The following ARL15 variants were observed in gnomAD, a reference collection of about 807,000 sequenced individuals.
ARL15 encodes ARF like GTPase 15, also known as ADP-ribosylation factor-like protein 15.
A neutral mutation model predicts 25.2 loss-of-function variants in ARL15; 19 were observed. That is an observed-to-expected ratio of 0.75 (90% CI 0.53 to 1.10). ARL15 has a LOEUF of 1.10. ARL15 is among the 50% of genes least tolerant of loss of function. The probability of loss-of-function intolerance (pLI) is 0.00; values close to 1 mark genes in which losing one functional copy is unlikely to be tolerated. For missense variants in ARL15, 220 were observed against 246.0 expected (o/e 0.89, Z 0.71); for synonymous variants, 94 against 86.8 (o/e 1.08, Z -0.46).
intron 1 of ARL15, among the ~76,000 whole-genome samples, chr5:54,215,889 C>T (rs1199778111): frequency 6.6e-6 from 1 of 152,120 alleles, no homozygotes; most frequent in African/African-American, 2.4e-5. Context: ...TGAGCTGGCA[C>T]AAATTTTCAA....
chr5:54,299,671 T>G (rs527830493), intron 1 of ARL15, among the ~76,000 whole-genome samples: 1 of 126,656 alleles, frequency 7.9e-6, no homozygotes, highest in South Asian at 2.8e-4. Context: ...CTCACTGCAA[T>G]CTCCACCTCC....
At chr5:54,125,070 G>GTTTTTTTTT (rs1753203668) in intron 3 of ARL15, among the ~76,000 whole-genome samples, 1 of 135,948 alleles carries the variant, frequency 7.4e-6, no homozygotes, top group African/African-American at 2.9e-5. Context: ...CAAGTTTTTT[G>GTTTTTTTTT]TTTTGTTTTG....
chr5:54,021,168 T>C (rs1413030782), intron 4 of ARL15, among the ~76,000 whole-genome samples: 1 of 151,926 alleles, frequency 6.6e-6, no homozygotes, highest in Non-Finnish European at 1.5e-5. Flanking sequence ...AAACCCTGTC[T>C]CTACTAAAAA....
chr5:54,002,902 T>A (rs1382922511), intron 4 of ARL15, among the ~76,000 whole-genome samples: 1 of 152,198 alleles, frequency 6.6e-6, no homozygotes, highest in Non-Finnish European at 1.5e-5. Flanking sequence ...TATTGACCAG[T>A]CAAATTCTGC....
intron 1 of ARL15, among the ~76,000 whole-genome samples, chr5:54,222,551 G>A (rs188563287): frequency 1.8e-4 from 27 of 152,298 alleles, no homozygotes; most frequent in African/African-American, 5.3e-4. Context: ...AGCTATGCTC[G>A]TCATACAAGC....
At chr5:54,093,305 G>C (rs913553264) in intron 4 of ARL15, among the ~76,000 whole-genome samples, 1 of 152,142 alleles carries the variant, frequency 6.6e-6, no homozygotes, top group African/African-American at 2.4e-5. Context: ...CAAATGCCTA[G>C]GCCAGGGTGT....
At chr5:53,914,166 C>CA (rs3055335) in intron 4 of ARL15, among the ~76,000 whole-genome samples, 1 of 151,510 alleles carries the variant, frequency 6.6e-6, no homozygotes, top group African/African-American at 2.4e-5. Flanking sequence ...CACACACACA[C>CA]TTTATAGTTC....
intron 4 of ARL15, among the ~76,000 whole-genome samples, chr5:53,898,177 A>G (rs991533930): frequency 2.6e-5 from 4 of 152,230 alleles, no homozygotes; most frequent in Admixed American, 6.5e-5. Context: ...AAATCTGCAT[A>G]TAAGTGGACC....
intron 1 of ARL15, among the ~76,000 whole-genome samples, chr5:54,223,073 C>T (rs895178640): frequency 2.0e-5 from 3 of 150,486 alleles, no homozygotes; most frequent in East Asian, 2.0e-4. Flanking sequence ...CCGCCAGCCT[C>T]GGCAAGGAGA....
intron 1 of ARL15, among the ~76,000 whole-genome samples, chr5:54,281,946 A>G (rs1050016855): frequency 6.6e-6 from 1 of 152,204 alleles, no homozygotes; most frequent in African/African-American, 2.4e-5. Context: ...TTAAAACTCC[A>G]TAATTGTTTA....
intron 4 of ARL15, among the ~76,000 whole-genome samples, chr5:54,084,183 T>G (rs1443963402): frequency 6.6e-6 from 1 of 152,168 alleles, no homozygotes; most frequent in Non-Finnish European, 1.5e-5. Flanking sequence ...ACAATTAGCC[T>G]TAGCCAGTGG....
chr5:53,973,574 CAAAAAAA>C (rs34108460), intron 4 of ARL15, among the ~76,000 whole-genome samples: 1 of 87,124 alleles, frequency 1.1e-5, no homozygotes. Flanking sequence ...AACTTCATCT[CAAAAAAA>C]AAAAAAAAAA....
intron 1 of ARL15, 45 bp downstream of exon 1, chr5:54,310,387 C>A: frequency 6.3e-7 from 1 of 1,588,710 alleles, no homozygotes. Flanking sequence ...CCATCGGGCA[C>A]GCCGAGATCC....
Position 53,886,668 on chromosome 5 carries a change from A to G in ARL15, c.508T>C (p.Trp170Arg). The change falls in exon 5 of 5, where the codon TGG becomes CGG. Residue 170 changes from tryptophan to arginine, a missense_variant. Transcript: ENST00000504924. ...ELEPLARGKRWILQPCSLDDM... is the reference protein window; with the variant it reads ...ELEPLARGKRRILQPCSLDDM... Reference sequence around the variant, plus strand: ...TCCAGTGAGCAGGGCTGTAGAATCCAGCGTTTTCCACGTGCAAGTGGTTCA... The same window carrying G: ...TCCAGTGAGCAGGGCTGTAGAATCCGGCGTTTTCCACGTGCAAGTGGTTCA... 6.3e-7 allele frequency: 1 copy of G among 1,575,908 alleles called. No individual in the cohort carries two copies. The highest frequency in any genetic ancestry group is 2.3e-5 in the East Asian group (1 of 43,336).
At chr5:54,141,876 C>T (rs1753792340) in intron 3 of ARL15, among the ~76,000 whole-genome samples, 1 of 152,110 alleles carries the variant, frequency 6.6e-6, no homozygotes, top group Admixed American at 6.5e-5. Flanking sequence ...TGAGATTCAT[C>T]CATGTTGTTG....
At chr5:53,921,835 A>T (rs958591191) in intron 4 of ARL15, among the ~76,000 whole-genome samples, 1 of 152,202 alleles carries the variant, frequency 6.6e-6, no homozygotes, top group African/African-American at 2.4e-5. Flanking sequence ...GGCTGGGGTT[A>T]CCAGGAATGA....
chr5:53,985,578 T>G (rs1201337668), intron 4 of ARL15, among the ~76,000 whole-genome samples: 2 of 152,242 alleles, frequency 1.3e-5, no homozygotes, highest in Non-Finnish European at 2.9e-5. Context: ...TTTTAATGAC[T>G]GCCTTATTTC....
intron 4 of ARL15, among the ~76,000 whole-genome samples, chr5:54,078,046 G>A (rs1751668419): frequency 6.6e-6 from 1 of 152,144 alleles, no homozygotes; most frequent in Admixed American, 6.5e-5. Flanking sequence ...TCAAATAACA[G>A]CATTTCCAGT....
At chr5:53,972,773 G>A (rs1285629801) in intron 4 of ARL15, among the ~76,000 whole-genome samples, 1 of 152,008 alleles carries the variant, frequency 6.6e-6, no homozygotes, top group Non-Finnish European at 1.5e-5. Context: ...AATCACAAAT[G>A]AGAATTAGTC....
Sources: gnomAD v4.1 joint callset for allele counts (sites outside exome capture counted in the v4.1 genomes callset) on GRCh38, gnomAD v4.1.1 for gene constraint, MANE v1.5 for transcripts, NCBI Gene and HGNC (gene_info 2026-07-23, HGNC 2026-07-21) for gene names.